The following SLC26A4 variants were observed in gnomAD, a reference collection of about 807,000 sequenced individuals.
The protein encoded by SLC26A4 is solute carrier family 26 member 4, also known as pendrin.
SLC26A4 carries 93 observed loss-of-function variants against 90.4 expected under a neutral mutation model. The observed-to-expected ratio is 1.03, with a 90% CI of 0.87 to 1.22. The LOEUF (loss-of-function observed/expected upper bound fraction) is 1.22, where lower values mean the gene tolerates loss of function less well. SLC26A4 is among the 50% of genes most tolerant of loss of function. The pLI is 0.00. For missense variants in SLC26A4, 1,127 were observed against 946.2 expected (o/e 1.19, Z -2.51); for synonymous variants, 393 against 354.6 (o/e 1.11, Z -1.22).
chr7:107,699,656 C>T lies in SLC26A4; in HGVS notation c.1615-427C>T, dbSNP rs146800536. ...CAAGAAAAGTTGTAGAGGCCGGGCA[C>T]GGTGGTTCACACCTGTAATCCCAGC... On this transcript the variant is annotated intron_variant, in intron 14 of 20. Transcript: ENST00000644269. Among the ~76,000 whole-genome samples, 118 of 152,246 alleles carry T rather than the reference C, an allele frequency of 7.8e-4. 1 individual carries two copies. The East Asian group carries it at 0.021, about 27-fold the overall frequency.
At chr7:107,670,028 C>A (rs1349314048) in intron 3 of SLC26A4, among the ~76,000 whole-genome samples, 1 of 151,946 alleles carries the variant, frequency 6.6e-6, no homozygotes, top group Non-Finnish European at 1.5e-5. Context: ...ATGATGGATA[C>A]ATGAAAGTTT....
Position 107,694,690 on chromosome 7 carries a change from C to G in SLC26A4, c.1411C>G (p.Leu471Val). 6.2e-7 allele frequency: 1 copy of G among 1,612,872 alleles called. No homozygotes were observed. The highest frequency in any genetic ancestry group is 8.5e-7 in the Non-Finnish European group (1 of 1,178,892). ...MFMQLCDIPR[L>V]WRQNKIDAVI... ...TATGCAGCTGTGTGACATTCCTCGT[C>G]TGTGGAGACAGAATAAGATTGATGC... is the stretch of plus-strand genomic sequence containing the variant. The change falls in exon 12 of 21, where the codon CTG becomes GTG. Residue 471 changes from leucine to valine, a missense_variant. By Grantham distance (32) the Leu-to-Val change is conservative. Coordinates refer to ENST00000644269, the MANE Select transcript of SLC26A4 (RefSeq NM_000441.2).
At position 107,695,940 on chromosome 7, in the gene SLC26A4, G is replaced by C. The variant is rs774182356; in HGVS notation, c.1445G>C (p.Trp482Ser). Residue 482 changes from tryptophan to serine, a missense_variant, in exon 13 of 21, where the codon TGG becomes TCG. Trp to Ser is a radical substitution (Grantham distance 177). Transcript: ENST00000644269. ...WRQNKIDAVI[W>S]VFTCIVSIIL... The stretch of plus-strand genomic sequence containing the variant: ...TTCTATTTTTTTCCCTAGGTTATCT[G>C]GGTGTTTACGTGTATAGTGTCCATC... 7.0e-6 allele frequency: 11 copies of C among 1,578,010 alleles called. No individual in the cohort carries two copies. The Admixed American group carries it at 1.2e-4, about 17-fold the overall frequency.
rs751595132 is a variant in SLC26A4 at position 107,675,039 on chromosome 7, T to A, written c.695T>A (p.Leu232Gln). ...GFTTAAAFQV[L>Q]VSQLKIVLNV... ...ACAACAGCTGCTGCCTTCCAAGTGCTGGTCTCACAGCTAAAGATTGTCCTC... is the reference window on the plus strand; with the variant it reads ...ACAACAGCTGCTGCCTTCCAAGTGCAGGTCTCACAGCTAAAGATTGTCCTC... The change falls in exon 6 of 21, where the codon CTG becomes CAG. Residue 232 changes from leucine (L) to glutamine (Q), a missense_variant. Coordinates refer to ENST00000644269, the MANE Select transcript of SLC26A4 (RefSeq NM_000441.2). 1 of 1,614,094 alleles carries A rather than the reference T, an allele frequency of 6.2e-7. No individual in the cohort carries two copies. The highest frequency in any genetic ancestry group is 1.1e-5 in the South Asian group (1 of 91,084).
chr7:107,684,559 C>A (rs552385737), intron 8 of SLC26A4, among the ~76,000 whole-genome samples: 1 of 152,320 alleles, frequency 6.6e-6, no homozygotes, highest in South Asian at 2.1e-4. Context: ...CAGCTGGCTA[C>A]ATGGGACTTA....
At chr7:107,702,871 G>T (rs932611236) in intron 17 of SLC26A4, among the ~76,000 whole-genome samples, 3 of 152,242 alleles carry the variant, frequency 2.0e-5, no homozygotes, top group Admixed American at 6.5e-5. Flanking sequence ...AGGAATACCA[G>T]GTGTATGTTA....
At position 107,662,010 on chromosome 7, in the gene SLC26A4, C is replaced by T. The variant is rs371115718; in HGVS notation, c.164+205C>T. 1.3e-3 allele frequency: 779 copies of T among 606,414 alleles called. 5 individuals are homozygous for T. In the African/African-American group the frequency reaches 0.013, roughly 10 times the overall value. The allele number at this position is 606,414 out of a possible 1,614,324, so 37.6% of individuals were successfully genotyped here. A position where few individuals can be genotyped will look rare whatever the true frequency, so the allele number is the denominator to read the frequency against. ...AGGGTGGCTCCATCAGTCTCGGGCC[C>T]GAAATGAACTTACCTGGGAAACTCG... On this transcript the variant is annotated intron_variant, in intron 2 of 20. Transcript: ENST00000644269.
intron 13 of SLC26A4, among the ~76,000 whole-genome samples, chr7:107,697,246 T>G (rs1293343209): frequency 6.6e-6 from 1 of 152,206 alleles, no homozygotes; most frequent in Non-Finnish European, 1.5e-5. Flanking sequence ...GCTTATAAAC[T>G]TTTAAGTTAA....
chr7:107,668,238 A>G (rs1328157368), intron 3 of SLC26A4, among the ~76,000 whole-genome samples: 1 of 152,182 alleles, frequency 6.6e-6, no homozygotes, highest in Non-Finnish European at 1.5e-5. Flanking sequence ...AGAGTGAAAA[A>G]AGGGAGTTAA....
intron 18 of SLC26A4, 90 bp downstream of exon 18, chr7:107,704,475 C>T: frequency 1.5e-6 from 1 of 645,496 alleles, no homozygotes; most frequent in South Asian, 1.7e-5. Flanking sequence ...TGTCTGAAGG[C>T]CTTTTTTTTT....
rs1792328468 is a variant in SLC26A4, at chr7:107,715,681, A to C, written c.*235A>C. 5.2e-6 allele frequency: 3 copies of C among 574,308 alleles called. No individual in the cohort carries two copies. The South Asian group carries it at 6.4e-5, about 12-fold the overall frequency. The allele number at this position is 574,308 out of a possible 1,614,324, so 35.6% of individuals were successfully genotyped here. A position where few individuals can be genotyped will look rare whatever the true frequency, so the allele number is the denominator to read the frequency against. On this transcript the variant is annotated 3_prime_UTR_variant, in exon 21 of 21. Coordinates refer to ENST00000644269, the MANE Select transcript of SLC26A4 (RefSeq NM_000441.2). The stretch of plus-strand genomic sequence containing the variant: ...AGCGTCCAGGGTAAGCTGGTGTTAT[A>C]ATACGCTGCTGATCTACATCACAGA...
At position 107,710,103 on chromosome 7, in the gene SLC26A4, T is replaced by A; in HGVS notation, c.2139T>A (p.Ile713=). ...AATGCGGGTTCTTTGACGACAACAT[T>A]AGAAAGGACACATTCTTTTTGACGG... ...LEQCGFFDDN[I]RKDTFFLTVH... is the part of the protein sequence containing the mutation. Residue 713 remains isoleucine, a synonymous_variant, in exon 19 of 21, where the codon ATT becomes ATA. Transcript: ENST00000644269. 1 of 1,611,230 alleles carries A rather than the reference T, an allele frequency of 6.2e-7. No individual in the cohort carries two copies. Among genetic ancestry groups the A allele is most frequent in the African/African-American group, 1.3e-5 (1 of 74,994 alleles).
At chr7:107,680,330 T>TCTTATATTATTATATAATCTTAG (rs1562827554) in intron 6 of SLC26A4, among the ~76,000 whole-genome samples, 1 of 135,764 alleles carries the variant, frequency 7.4e-6, no homozygotes, top group African/African-American at 2.9e-5. Flanking sequence ...TATAATCTTA[T>TCTTATATTATTATATAATCTTAG]CTTATTATAT....
At chr7:107,686,527 A>T (rs1791425619) in intron 8 of SLC26A4, among the ~76,000 whole-genome samples, 1 of 146,786 alleles carries the variant, frequency 6.8e-6, no homozygotes, top group Admixed American at 7.0e-5. Flanking sequence ...TCACTCTGTC[A>T]CCCAGCATGG....
At chr7:107,696,102 C>CATTTTG in intron 13 of SLC26A4, 63 bp downstream of exon 13, 1 of 941,660 alleles carries the variant, frequency 1.1e-6, no homozygotes, top group Non-Finnish European at 1.8e-6. Flanking sequence ...TTCCTTATAC[C>CATTTTG]ATTTTGATAA....
chr7:107,683,598 TAA>T (rs1353917747), intron 8 of SLC26A4, 61 bp downstream of exon 8: 3 of 1,314,122 alleles, frequency 2.3e-6, no homozygotes, highest in Non-Finnish European at 3.3e-6. Context: ...CTTTTTTATT[TAA>T]ATAAAACCTT....
At chr7:107,686,062 C>T (rs1440018485) in intron 8 of SLC26A4, among the ~76,000 whole-genome samples, 1 of 151,378 alleles carries the variant, frequency 6.6e-6, no homozygotes, top group Non-Finnish European at 1.5e-5. Context: ...CACTCTGTCA[C>T]CCAGCCTGGA....
At chr7:107,688,967 G>T in intron 8 of SLC26A4, 86 bp from the exon 9 acceptor site, 2 of 1,373,826 alleles carry the variant, frequency 1.5e-6, no homozygotes, top group South Asian at 2.3e-5. Context: ...TCTAATATGT[G>T]ACTGAGCAGA....
intron 20 of SLC26A4, among the ~76,000 whole-genome samples, chr7:107,713,613 C>T (rs1328059396): frequency 1.3e-5 from 2 of 152,174 alleles, no homozygotes; most frequent in East Asian, 1.9e-4. Flanking sequence ...ACCCTAAATG[C>T]GGCCAGGCCA....
Sources: gnomAD v4.1 joint callset for allele counts (sites outside exome capture counted in the v4.1 genomes callset) on GRCh38, gnomAD v4.1.1 for gene constraint, MANE v1.5 for transcripts, NCBI Gene and HGNC (gene_info 2026-07-23, HGNC 2026-07-21) for gene names.